The following PDZD2 variants were observed in gnomAD, a reference collection of about 807,000 sequenced individuals.
PDZD2 encodes the protein PDZ domain-containing protein 2.
A neutral mutation model predicts 220.7 loss-of-function variants in PDZD2; 90 were observed. That is an observed-to-expected ratio of 0.41 (90% CI 0.34 to 0.49). PDZD2 has a LOEUF of 0.49. Among genes scored for constraint, PDZD2 ranks in the 20% least tolerant of loss-of-function variants. The probability of loss-of-function intolerance (pLI) is 0.28; values close to 1 mark genes in which losing one functional copy is unlikely to be tolerated. For missense variants in PDZD2, 3,174 were observed against 3,608.5 expected (o/e 0.88, Z 3.08); for synonymous variants, 1,375 against 1,450.5 (o/e 0.95, Z 1.18).
At chr5:31,801,301 C>T (rs942066388) in intron 2 of PDZD2, among the ~76,000 whole-genome samples, 1 of 152,192 alleles carries the variant, frequency 6.6e-6, no homozygotes, top group African/African-American at 2.4e-5. Context: ...TGGGAAAAGC[C>T]ACTCATTTTC....
At chr5:31,984,379 A>C (rs532497406) in intron 3 of PDZD2, among the ~76,000 whole-genome samples, 1 of 152,268 alleles carries the variant, frequency 6.6e-6, no homozygotes, top group East Asian at 1.9e-4. Flanking sequence ...TGAGAATTGC[A>C]TTTCTTTAGG....
chr5:31,859,826 C>T (rs888917662), intron 2 of PDZD2, among the ~76,000 whole-genome samples: 13 of 152,154 alleles, frequency 8.5e-5, no homozygotes, highest in Non-Finnish European at 1.3e-4. Flanking sequence ...GAATCTAGAA[C>T]AATGCCTGGC....
chr5:31,752,086 T>TTTTTTTTTTTTTTTTTTTTTTTTTG (rs1363350646), intron 1 of PDZD2, among the ~76,000 whole-genome samples: 1 of 137,300 alleles, frequency 7.3e-6, no homozygotes, highest in Admixed American at 7.6e-5. Context: ...TTTTTTTTTT[T>TTTTTTTTTTTTTTTTTTTTTTTTTG]TTTTCTGAGA....
intron 15 of PDZD2, among the ~76,000 whole-genome samples, chr5:32,070,984 C>G (rs1740691050): frequency 6.6e-6 from 1 of 152,186 alleles, no homozygotes; most frequent in Non-Finnish European, 1.5e-5. Context: ...AAATAAATAT[C>G]CAGCTCCGTG....
chr5:31,794,464 G>A (rs926284056), intron 1 of PDZD2, among the ~76,000 whole-genome samples: 39 of 136,604 alleles, frequency 2.9e-4, no homozygotes, highest in South Asian at 2.3e-4. Context: ...GCAGTGGCAC[G>A]ATCTCGGCTC....
intron 24 of PDZD2, among the ~76,000 whole-genome samples, chr5:32,105,191 A>T (rs1744649362): frequency 2.0e-5 from 3 of 152,232 alleles, no homozygotes; most frequent in African/African-American, 7.2e-5. Context: ...GAACTATATA[A>T]TTCAGTAAGA....
chr5:31,804,278 T>C (rs1339735785), intron 2 of PDZD2, among the ~76,000 whole-genome samples: 1 of 152,152 alleles, frequency 6.6e-6, no homozygotes, highest in Non-Finnish European at 1.5e-5. Context: ...GGCCAACACC[T>C]ATTACTTGGT....
At chr5:31,832,748 G>A (rs1188608081) in intron 2 of PDZD2, among the ~76,000 whole-genome samples, 4 of 152,128 alleles carry the variant, frequency 2.6e-5, no homozygotes, top group Admixed American at 6.5e-5. Context: ...CCCAGGAGGC[G>A]GAGGTTGCAG....
rs534989394 is a variant in PDZD2, at chr5:32,040,744, C to A, written c.1519+3402C>A. 3.3e-5 allele frequency among the ~76,000 whole-genome samples: 5 copies of A among 150,138 alleles called. No homozygotes were observed. In the South Asian group the frequency reaches 1.1e-3, roughly 32 times the overall value. On this transcript the variant is annotated intron_variant, in intron 7 of 24. Transcript: ENST00000438447. Reference sequence around the variant, plus strand: ...GTGAGAAGCGCCTCTGCCCAGCCGCCCCGTCTGGGAGGAAGTGAGGAGTGC... The same window carrying A: ...GTGAGAAGCGCCTCTGCCCAGCCGCACCGTCTGGGAGGAAGTGAGGAGTGC...
intron 5 of PDZD2, among the ~76,000 whole-genome samples, chr5:32,003,950 G>A (rs1271363740): frequency 3.9e-5 from 6 of 152,176 alleles, no homozygotes; most frequent in Admixed American, 3.9e-4. Flanking sequence ...GACCTCAGGT[G>A]ATCCACCCAC....
chr5:31,933,133 A>T (rs1745444178), intron 2 of PDZD2, among the ~76,000 whole-genome samples: 1 of 151,726 alleles, frequency 6.6e-6, no homozygotes, highest in African/African-American at 2.4e-5. Flanking sequence ...CTGGTCTCGA[A>T]CTCCTGACCT....
intron 2 of PDZD2, among the ~76,000 whole-genome samples, chr5:31,971,307 T>C (rs1749277836): frequency 6.6e-6 from 1 of 152,218 alleles, no homozygotes; most frequent in Admixed American, 6.5e-5. Flanking sequence ...GGATAAACGC[T>C]GTGTCCTCTT....
Position 32,072,418 on chromosome 5 carries a change from CGCTGTAATACGAGA to C in PDZD2, c.2725+102_2725+115del. 5.4e-6 allele frequency: 5 copies of C among 918,462 alleles called. 1 individual carries two copies. Among genetic ancestry groups the C allele is most frequent in the Middle Eastern group, 5.6e-4 (2 of 3,562 alleles). 56.9% of individuals were successfully genotyped at this position (918,462 alleles called of 1,614,324 possible). A position where few individuals can be genotyped will look rare whatever the true frequency, so the allele number is the denominator to read the frequency against. ...GGCTACAATGGTTTAGCTACCCTGG[CGCTGTAATACGAGA>C]AAAGAGCTGGAGACCAGGCCGGGCG... is the stretch of plus-strand genomic sequence containing the variant. On this transcript the variant is annotated intron_variant, in intron 17 of 24. Coordinates refer to ENST00000438447, the MANE Select transcript of PDZD2 (RefSeq NM_178140.4).
intron 2 of PDZD2, among the ~76,000 whole-genome samples, chr5:31,808,712 C>T (rs1357892778): frequency 6.6e-6 from 1 of 152,172 alleles, no homozygotes; most frequent in East Asian, 1.9e-4. Flanking sequence ...CATAGTGGCT[C>T]ATGCCTGTAA....
chr5:32,091,412 G>C (rs1293568633), intron 20 of PDZD2, among the ~76,000 whole-genome samples: 1 of 151,286 alleles, frequency 6.6e-6, no homozygotes, highest in African/African-American at 2.4e-5. Flanking sequence ...AGCCTCCTGA[G>C]TAGCTGGGAT....
intron 1 of PDZD2, among the ~76,000 whole-genome samples, chr5:31,655,670 T>A (rs1745520518): frequency 6.6e-6 from 1 of 152,140 alleles, no homozygotes; most frequent in African/African-American, 2.4e-5. Context: ...AGAAAGTGAA[T>A]CAGAATCATT....
chr5:31,846,788 G>A (rs987104826), intron 2 of PDZD2, among the ~76,000 whole-genome samples: 2 of 152,072 alleles, frequency 1.3e-5, no homozygotes, highest in East Asian at 3.8e-4. Context: ...GATGTGGTCG[G>A]GGATCTTCTC....
rs544425677 is a variant in PDZD2 at position 31,928,363 on chromosome 5, CCA to C, written c.477-54789_477-54788del. Among the ~76,000 whole-genome samples, 11 of 152,278 alleles carry C rather than the reference CCA, an allele frequency of 7.2e-5. No individual in the cohort carries two copies. In the East Asian group the frequency reaches 1.9e-3, roughly 27 times the overall value. ...GTAAATACTTCTCAAACCCATTTGACCACAGAGTTAAGGAGCATTCTTTCATA... is the reference window on the plus strand; with the variant it reads ...GTAAATACTTCTCAAACCCATTTGACCAGAGTTAAGGAGCATTCTTTCATA... On this transcript the variant is annotated intron_variant, in intron 2 of 24. Transcript: ENST00000438447.
At chr5:31,999,622 G>A (rs940111575) in intron 4 of PDZD2, among the ~76,000 whole-genome samples, 3 of 152,190 alleles carry the variant, frequency 2.0e-5, no homozygotes, top group African/African-American at 7.2e-5. Context: ...ATAGAGACAC[G>A]TGTAGTGTAG....
Sources: allele counts gnomAD v4.1 joint callset (sites outside exome capture counted in the v4.1 genomes callset), GRCh38; gene constraint gnomAD v4.1.1; transcripts MANE v1.5; gene names NCBI Gene and HGNC (gene_info 2026-07-23, HGNC 2026-07-21).